The following KALRN variants were observed in gnomAD, a reference collection of about 807,000 sequenced individuals.
The protein encoded by KALRN is kalirin RhoGEF kinase, also known as kalirin.
KALRN carries 70 observed loss-of-function variants against 353.7 expected under a neutral mutation model. The observed-to-expected ratio is 0.20, with a 90% confidence interval of 0.16 to 0.24. The LOEUF (loss-of-function observed/expected upper bound fraction) is 0.24. Among genes scored for constraint, KALRN ranks in the 10% least tolerant of loss-of-function variants. KALRN has a pLI of 1.00. For missense variants in KALRN, 2,791 were observed against 3,756.7 expected, an observed-to-expected ratio of 0.74 and a Z score of 6.72; for synonymous variants, 1,391 against 1,434.8, an observed-to-expected ratio of 0.97 and a Z score of 0.69.
intron 1 of KALRN, among the ~76,000 whole-genome samples, chr3:124,199,770 G>T (rs1305542353): frequency 6.6e-6 from 1 of 152,324 alleles, no homozygotes; most frequent in African/African-American, 2.4e-5. Context: ...ATGGGTAATT[G>T]TAGAAGCTTT....
intron 34 of KALRN, among the ~76,000 whole-genome samples, chr3:124,626,529 G>A (rs72964641): frequency 5.3e-4 from 81 of 152,212 alleles, no homozygotes; most frequent in African/African-American, 1.9e-3. Context: ...AAAGCCAACT[G>A]TACATACCAG....
In KALRN at chr3:124,181,421, G is replaced by T. The variant is rs75857803; in HGVS notation, c.74-46569G>T. On this transcript the variant is annotated intron_variant, in intron 1 of 59. Transcript: ENST00000682506. ...GTCCTATTACATTTTTTTCTGGAAA[G>T]CTGCTCATGATCAGAAGCAGGTTAA... is the stretch of plus-strand genomic sequence containing the variant. Among the ~76,000 whole-genome samples, 820 of 152,234 alleles carry T rather than the reference G, an allele frequency of 5.4e-3. 10 individuals are homozygous for T. The highest frequency in any genetic ancestry group is 0.019 in the African/African-American group (781 of 41,520).
intron 1 of KALRN, among the ~76,000 whole-genome samples, chr3:124,216,390 A>G (rs1177975194): frequency 6.6e-6 from 1 of 152,204 alleles, no homozygotes; most frequent in African/African-American, 2.4e-5. Context: ...TTGGTTCTCA[A>G]CGATTTAGGG....
chr3:124,247,940 C>T (rs999244006), intron 3 of KALRN, among the ~76,000 whole-genome samples: 4 of 152,024 alleles, frequency 2.6e-5, no homozygotes, highest in African/African-American at 9.7e-5. Context: ...TCTTAGATTG[C>T]TTTAGAAAAA....
chr3:124,269,691 A>G (rs114057443), intron 5 of KALRN, among the ~76,000 whole-genome samples: 190 of 152,324 alleles, frequency 1.2e-3, no homozygotes, highest in African/African-American at 4.5e-3. Context: ...TATAATATTA[A>G]TTAGTGATTA....
chr3:124,057,551 G>A (rs1489581438), intron 1 of KALRN, among the ~76,000 whole-genome samples: 2 of 152,156 alleles, frequency 1.3e-5, no homozygotes, highest in Admixed American at 6.5e-5. Context: ...GCAGATGTGA[G>A]TTTAACTGCA....
chr3:124,252,556 C>A (rs2071323325), intron 3 of KALRN, among the ~76,000 whole-genome samples: 1 of 152,162 alleles, frequency 6.6e-6, no homozygotes, highest in Non-Finnish European at 1.5e-5. Flanking sequence ...CCCCACTGCC[C>A]CCACTAGCCC....
chr3:124,607,557 T>A (rs1399419908), intron 34 of KALRN, among the ~76,000 whole-genome samples: 1 of 152,242 alleles, frequency 6.6e-6, no homozygotes, highest in African/African-American at 2.4e-5. Context: ...TACATACTTG[T>A]AGCCAATAAT....
chr3:124,626,791 G>A (rs553261533), intron 34 of KALRN, among the ~76,000 whole-genome samples: 1 of 152,206 alleles, frequency 6.6e-6, no homozygotes. Flanking sequence ...TAATGGTAAA[G>A]ATGAAAGGAA....
chr3:124,693,013 G>A (rs976225280), intron 51 of KALRN, among the ~76,000 whole-genome samples: 2 of 152,314 alleles, frequency 1.3e-5, no homozygotes, highest in South Asian at 4.1e-4. Context: ...AATCTCCAGG[G>A]TGTCCTGAGG....
At chr3:124,545,803 C>T (rs2069570661) in intron 33 of KALRN, among the ~76,000 whole-genome samples, 1 of 152,170 alleles carries the variant, frequency 6.6e-6, no homozygotes, top group Non-Finnish European at 1.5e-5. Flanking sequence ...TCTTTGATGT[C>T]CTAGAGAGCC....
intron 1 of KALRN, among the ~76,000 whole-genome samples, chr3:124,169,251 T>A (rs529842094): frequency 1.3e-5 from 2 of 152,022 alleles, no homozygotes; most frequent in East Asian, 3.9e-4. Context: ...AATGGTGGAG[T>A]GACTATGGAG....
intron 27 of KALRN, among the ~76,000 whole-genome samples, chr3:124,479,010 A>G (rs1474767323): frequency 6.6e-6 from 1 of 152,174 alleles, no homozygotes; most frequent in Non-Finnish European, 1.5e-5. Context: ...TGTACTTTGT[A>G]TCTTTGTTAT....
chr3:124,260,804 A>G (rs9880957), intron 3 of KALRN, among the ~76,000 whole-genome samples: 66,649 of 151,828 alleles, frequency 0.44, 14,767 homozygotes, highest in Admixed American at 0.47. Flanking sequence ...ACCAGAGTTA[A>G]TCACTTGAAC....
intron 6 of KALRN, among the ~76,000 whole-genome samples, chr3:124,305,649 T>C (rs2077625118): frequency 6.6e-6 from 1 of 151,950 alleles, no homozygotes; most frequent in Non-Finnish European, 1.5e-5. Context: ...AATGCTGTAC[T>C]CCCCCTGGGA....
chr3:124,359,042 A>T (rs185493045), intron 10 of KALRN, among the ~76,000 whole-genome samples: 72 of 152,292 alleles, frequency 4.7e-4, no homozygotes, highest in African/African-American at 1.6e-3. Flanking sequence ...GCACATTAGC[A>T]CTGTGGCTGT....
intron 10 of KALRN, among the ~76,000 whole-genome samples, chr3:124,378,221 G>T (rs2086852655): frequency 6.6e-6 from 1 of 151,356 alleles, no homozygotes. Flanking sequence ...TATTTTAATG[G>T]TTGCCTTAGG....
rs753459908 is a variant in KALRN, at chr3:124,326,117, T to C, written c.1230T>C (p.Asp410=). 6.2e-7 allele frequency: 1 copy of C among 1,613,958 alleles called. No homozygotes were observed. The highest frequency in any genetic ancestry group is 1.1e-5 in the South Asian group (1 of 91,012). The change falls in exon 7 of 60, where the codon GAT becomes GAC. Residue 410 remains aspartate (D), a synonymous_variant. Coordinates refer to ENST00000682506, the MANE Select transcript of KALRN (RefSeq NM_001388419.1). ...GGAAGAGCTTCGCTGCTGCCCTGGA[T>C]GAACGCAGCACCATCCTCGCCATGT... ...QEWKSFAAAL[D]ERSTILAMSA...
intron 1 of KALRN, among the ~76,000 whole-genome samples, chr3:124,220,386 GTGTGTGTGTGTGTGTA>G (rs1212140314): frequency 2.1e-5 from 3 of 143,610 alleles, no homozygotes; most frequent in Non-Finnish European, 4.5e-5. Context: ...CTCTCTTTCT[GTGTGTGTGTGTGTGTA>G]TGTGTGTGTG....
Sources: gnomAD v4.1 joint callset for allele counts (sites outside exome capture counted in the v4.1 genomes callset) on GRCh38, gnomAD v4.1.1 for gene constraint, MANE v1.5 for transcripts, NCBI Gene and HGNC (gene_info 2026-07-23, HGNC 2026-07-21) for gene names.